Variants in MAP3K15 observed in about 807,000 individuals in gnomAD.
MAP3K15 encodes the protein MAPK/ERK kinase kinase 15.
Under a neutral mutation model 99.5 loss-of-function variants are expected in MAP3K15, and 124 were observed. That is an observed-to-expected ratio of 1.25 (90% CI 1.08 to 1.45). The LOEUF (loss-of-function observed/expected upper bound fraction) is 1.45. Among genes scored for constraint, MAP3K15 ranks in the 40% most tolerant of loss-of-function variants. The pLI is 0.00. For synonymous variants in MAP3K15, 494 were observed against 439.6 expected, an observed-to-expected ratio of 1.12 and a Z score of -1.55; for missense variants, 1,242 against 1,079.7, an observed-to-expected ratio of 1.15 and a Z score of -2.11.
intron 2 of MAP3K15, among the ~76,000 whole-genome samples, chrX:19,486,715 C>T: frequency 9.0e-6 from 1 of 111,246 alleles, no homozygotes; most frequent in Middle Eastern, 4.6e-3. Flanking sequence ...CATTGATATT[C>T]CAAAGAAAAT....
rs12388292 is a variant in MAP3K15, at chrX:19,424,319, C to T, written c.1439+1212G>A. Reference sequence around the variant, plus strand: ...ACATATATATACACACATATATATACATATATATATATATTTTTTTATGCT... The same window carrying T: ...ACATATATATACACACATATATATATATATATATATATATTTTTTTATGCT... On this transcript the variant is annotated intron_variant, in intron 9 of 28. Transcript: ENST00000338883. 1.2e-4 allele frequency among the ~76,000 whole-genome samples: 12 copies of T among 103,971 alleles called. No individual in the cohort carries two copies. The Admixed American group carries it at 1.2e-3, about 10-fold the overall frequency. 90.3% of individuals were successfully genotyped at this position (103,971 alleles called of 115,157 possible). A position where few individuals can be genotyped will look rare whatever the true frequency, so the allele number is the denominator to read the frequency against.
chrX:19,384,568 C>T lies in MAP3K15; in HGVS notation c.2432-4291G>A, dbSNP rs766427981. ...CAGCCTGGGCAACACAGCGAAACCC[C>T]ATCTCTACTAAAAAAGTACAAAAAA... On this transcript the variant is annotated intron_variant, in intron 18 of 28. Coordinates refer to ENST00000338883, the MANE Select transcript of MAP3K15 (RefSeq NM_001001671.4). 3.7e-5 allele frequency among the ~76,000 whole-genome samples: 4 copies of T among 107,171 alleles called. No homozygotes were observed. In the Admixed American group the frequency reaches 4.1e-4, roughly 11 times the overall value. 93.1% of individuals were successfully genotyped at this position (107,171 alleles called of 115,157 possible).
chrX:19,428,877 G>A (rs751890302), intron 7 of MAP3K15, among the ~76,000 whole-genome samples: 1 of 111,358 alleles, frequency 9.0e-6, no homozygotes, highest in South Asian at 3.8e-4. Flanking sequence ...GCTGAGGCAG[G>A]GGAATTGCTT....
chrX:19,453,361 G>A (rs751869010), intron 6 of MAP3K15, among the ~76,000 whole-genome samples: 43 of 109,568 alleles, frequency 3.9e-4, no homozygotes, highest in Admixed American at 3.0e-4. Context: ...TTAGCCAGGC[G>A]TGGTGATGCG....
rs781559778 is a variant in MAP3K15, at chrX:19,426,194, T to C, written c.1279+37A>G. On this transcript the variant is annotated intron_variant, in intron 8 of 28. Transcript: ENST00000338883. ...AACTTTTAATGCCAAACTTGTATAATCAAAGCAACAACATCTGCAATAATA... is the reference window on the plus strand; with the variant it reads ...AACTTTTAATGCCAAACTTGTATAACCAAAGCAACAACATCTGCAATAATA... 7.8e-6 allele frequency: 6 copies of C among 770,430 alleles called. No homozygotes were observed. In the South Asian group the frequency reaches 1.6e-4, roughly 21 times the overall value. 63.5% of individuals were successfully genotyped at this position (770,430 alleles called of 1,213,427 possible). A position where few individuals can be genotyped will look rare whatever the true frequency, so the allele number is the denominator to read the frequency against.
chrX:19,392,257 C>CA (rs1017865779), intron 17 of MAP3K15, 86 bp downstream of exon 17: 1 of 1,086,709 alleles, frequency 9.2e-7, no homozygotes, highest in African/African-American at 1.8e-5. Context: ...ACCCCTCTGT[C>CA]AGCCAGTCAC....
chrX:19,389,198 G>A lies in MAP3K15; in HGVS notation c.2431+2804C>T, dbSNP rs918188506. Among the ~76,000 whole-genome samples the A allele has an allele frequency of 7.3e-5, 8 of 109,263 alleles. No homozygotes were observed. In the South Asian group the frequency reaches 2.0e-3, roughly 27 times the overall value. The allele number at this position is 109,263 out of a possible 115,157, so 94.9% of individuals were successfully genotyped here. ...GTCTGCTAGGTCCAGACACTGGATCGTGGTGATGGCTGAGCAACTCAGTAA... is the reference window on the plus strand; with the variant it reads ...GTCTGCTAGGTCCAGACACTGGATCATGGTGATGGCTGAGCAACTCAGTAA... On this transcript the variant is annotated intron_variant, in intron 18 of 28. Coordinates refer to ENST00000338883, the MANE Select transcript of MAP3K15 (RefSeq NM_001001671.4).
At chrX:19,474,245 A>G (rs1172832377) in intron 3 of MAP3K15, among the ~76,000 whole-genome samples, 2 of 111,480 alleles carry the variant, frequency 1.8e-5, no homozygotes, top group African/African-American at 3.3e-5. Flanking sequence ...GAAATACTTT[A>G]TCAATATAGA....
In MAP3K15 at chrX:19,436,167, AAG is replaced by A. The variant is rs1166614902; in HGVS notation, c.996-4561_996-4560del. Among the ~76,000 whole-genome samples, 249 of 98,700 alleles carry A rather than the reference AAG, an allele frequency of 2.5e-3. 1 individual carries two copies. The highest frequency in any genetic ancestry group is 0.012 in the African/African-American group (239 of 20,098). 85.7% of individuals were successfully genotyped at this position (98,700 alleles called of 115,157 possible). A position where few individuals can be genotyped will look rare whatever the true frequency, so the allele number is the denominator to read the frequency against. On this transcript the variant is annotated intron_variant, in intron 6 of 28. Coordinates refer to ENST00000338883, the MANE Select transcript of MAP3K15 (RefSeq NM_001001671.4). Reference sequence around the variant, plus strand: ...GAAACGCCATGTCAAAAAAAAAAAAAAGAAAGAAAGAAAAAAAAAATTCAATC... The same window carrying A: ...GAAACGCCATGTCAAAAAAAAAAAAAAAAGAAAGAAAAAAAAAATTCAATC...
intron 19 of MAP3K15, among the ~76,000 whole-genome samples, chrX:19,376,319 G>A (rs2063416874): frequency 9.0e-6 from 1 of 110,683 alleles, no homozygotes; most frequent in South Asian, 3.9e-4. Flanking sequence ...CTAGCTTCTC[G>A]TGGTCTGCGG....
chrX:19,511,570 C>A (rs781389052), intron 1 of MAP3K15, among the ~76,000 whole-genome samples: 4 of 111,360 alleles, frequency 3.6e-5, no homozygotes, highest in African/African-American at 9.8e-5. Flanking sequence ...GAAAAAAAAA[C>A]CCATCAATAC....
At chrX:19,473,049 C>T (rs906431128) in intron 3 of MAP3K15, among the ~76,000 whole-genome samples, 6 of 111,816 alleles carry the variant, frequency 5.4e-5, no homozygotes, top group Admixed American at 1.9e-4. Flanking sequence ...ATCTGATCCA[C>T]GGAGCAAACG....
chrX:19,469,582 G>A, intron 3 of MAP3K15, among the ~76,000 whole-genome samples: 1 of 110,564 alleles, frequency 9.0e-6, no homozygotes, highest in Non-Finnish European at 1.9e-5. Flanking sequence ...CTTCTGCACA[G>A]CAAAAGAAAC....
rs766207184 is a variant in MAP3K15 at position 19,464,340 on chromosome X, C to G, written c.592G>C (p.Glu198Gln). 21 of 1,196,537 alleles carry G rather than the reference C, an allele frequency of 1.8e-5. No individual in the cohort carries two copies. The East Asian group carries it at 5.9e-4, about 34-fold the overall frequency. ...VTPCADYFCC[E>Q]SDAQRRASEY... ...GAGGCTCGTCTCTGGGCATCACTCT[C>G]GCAGCAAAAATAATCAGCGCACGGT... Residue 198 changes from glutamate (E) to glutamine (Q), a missense_variant, in exon 4 of 29, where the codon GAG (glutamate) becomes CAG (glutamine). Glu to Gln is a conservative substitution (Grantham distance 29, BLOSUM62 2). Transcript: ENST00000338883.
chrX:19,394,816 TTTTTTTTTTTTTTTTTTTTAA>T lies in MAP3K15; in HGVS notation c.2194+244_2194+264del, dbSNP rs1569209267. Reference sequence around the variant, plus strand: ...TTTTTTTTTTTTTTTTTTTTTTTTTTTTTTTTTTTTTTTTTTTTTAAAAAGAGTGATGGGTTTTGCTCTGTC... The same window carrying T: ...TTTTTTTTTTTTTTTTTTTTTTTTTTAAAGAGTGATGGGTTTTGCTCTGTC... On this transcript the variant is annotated intron_variant, in intron 16 of 28. Coordinates refer to ENST00000338883, the MANE Select transcript of MAP3K15 (RefSeq NM_001001671.4). Among the ~76,000 whole-genome samples the T allele has an allele frequency of 6.4e-3, 412 of 63,899 alleles. 21 individuals carry two copies. Among genetic ancestry groups the T allele is most frequent in the African/African-American group, 0.035 (403 of 11,650 alleles). The allele number at this position is 63,899 out of a possible 115,157, so 55.5% of individuals were successfully genotyped here.
chrX:19,386,130 G>A (rs182139891), intron 18 of MAP3K15, among the ~76,000 whole-genome samples: 13 of 111,892 alleles, frequency 1.2e-4, no homozygotes, highest in African/African-American at 4.2e-4. Flanking sequence ...TCTGAATCAC[G>A]CACAAATCCT....
At chrX:19,382,028 T>A (rs1305360178) in intron 18 of MAP3K15, among the ~76,000 whole-genome samples, 2 of 111,316 alleles carry the variant, frequency 1.8e-5, no homozygotes, top group Admixed American at 9.5e-5. Context: ...GCGGATCACC[T>A]GAGGTCAGAA....
intron 8 of MAP3K15, 99 bp downstream of exon 8, chrX:19,426,132 T>G: frequency 6.6e-6 from 3 of 452,359 alleles, no homozygotes; most frequent in Non-Finnish European, 1.0e-5. Context: ...AAAAAAAGAA[T>G]AGAAATATAA....
At chrX:19,414,989 T>C (rs2063721776) in intron 10 of MAP3K15, 118 bp downstream of exon 10, 1 of 638,612 alleles carries the variant, frequency 1.6e-6, no homozygotes, top group Non-Finnish European at 2.3e-6. Context: ...TTGATGTTTA[T>C]CCCAACATTT....
Sources: gnomAD v4.1 joint callset for allele counts (sites outside exome capture counted in the v4.1 genomes callset) on GRCh38, gnomAD v4.1.1 for gene constraint, MANE v1.5 for transcripts, NCBI Gene and HGNC (gene_info 2026-07-23, HGNC 2026-07-21) for gene names.